The following EPHA8 variants were observed in gnomAD, a reference collection of about 807,000 sequenced individuals.
EPHA8 encodes EPH receptor A8.
EPHA8 carries 58 observed loss-of-function variants against 103.6 expected under a neutral mutation model. The ratio of observed to expected loss-of-function variants is 0.56; its 90% CI spans 0.45 to 0.70. The LOEUF is 0.70. Ranked by LOEUF, EPHA8 falls within the 30% of genes least tolerant of loss-of-function variation. The pLI, the probability that EPHA8 is intolerant of heterozygous loss-of-function variation, is 0.00. For synonymous variants in EPHA8, 559 were observed against 572.5 expected, an observed-to-expected ratio of 0.98 and a Z score of 0.34; for missense variants, 1,304 against 1,395.2, an observed-to-expected ratio of 0.93 and a Z score of 1.04.
intron 5 of EPHA8, among the ~76,000 whole-genome samples, chr1:22,592,333 C>G (rs953827060): frequency 6.6e-6 from 1 of 152,316 alleles, no homozygotes; most frequent in East Asian, 1.9e-4. Context: ...TCCCCTCCCC[C>G]TGGCAAGTGG....
chr1:22,565,071 CA>C (rs1396851265), intron 1 of EPHA8, among the ~76,000 whole-genome samples: 3 of 151,738 alleles, frequency 2.0e-5, no homozygotes, highest in Non-Finnish European at 2.9e-5. Flanking sequence ...CAGCCACACA[CA>C]CAGAAATGAA....
chr1:22,595,157 G>A (rs1641481085), intron 7 of EPHA8, 73 bp from the exon 8 acceptor site: 2 of 1,285,432 alleles, frequency 1.6e-6, no homozygotes, highest in Non-Finnish European at 2.2e-6. Context: ...GGCAGGCTCA[G>A]AGGTCTGCCA....
intron 13 of EPHA8, among the ~76,000 whole-genome samples, chr1:22,600,003 CGGAGGGAAGGAA>C (rs1291513720): frequency 7.0e-5 from 3 of 42,740 alleles, no homozygotes; most frequent in African/African-American, 2.2e-4. Flanking sequence ...AAAGGAGGGA[CGGAGGGAAGGAA>C]GGAGGGAAGG....
intron 1 of EPHA8, among the ~76,000 whole-genome samples, chr1:22,564,486 G>A (rs1183569243): frequency 6.6e-6 from 1 of 152,028 alleles, no homozygotes; most frequent in East Asian, 1.9e-4. Context: ...GCCCCGGAGA[G>A]CAAAGTCTTG....
chr1:22,599,680 A>AC, intron 13 of EPHA8, among the ~76,000 whole-genome samples: 1 of 39,854 alleles, frequency 2.5e-5, no homozygotes. Context: ...GGAAGGAGGG[A>AC]AGGAAGGAAA....
chr1:22,586,780 T>TTGG (rs568070513), intron 4 of EPHA8, 145 bp downstream of exon 4: 4 of 924,342 alleles, frequency 4.3e-6, no homozygotes, highest in African/African-American at 3.6e-5. Flanking sequence ...CAGTCTGAGG[T>TTGG]GGGGGGGGTG....
chr1:22,601,180 G>C, intron 15 of EPHA8, 92 bp downstream of exon 15: 1 of 1,531,126 alleles, frequency 6.5e-7, no homozygotes, highest in Non-Finnish European at 8.8e-7. Flanking sequence ...CTGACACTAG[G>C]ACCAGGCCCA....
At chr1:22,586,389 C>T in intron 3 of EPHA8, 91 bp from the exon 4 acceptor site, 14 of 1,490,436 alleles carry the variant, frequency 9.4e-6, no homozygotes, top group Non-Finnish European at 1.2e-5. Context: ...TGGGGCACCC[C>T]CCAGGAAGCT....
chr1:22,576,313 A>G lies in EPHA8; in HGVS notation c.256A>G (p.Thr86Ala). 6.2e-7 allele frequency: 1 copy of G among 1,613,836 alleles called. No homozygotes were observed. Among genetic ancestry groups the G allele is most frequent in the East Asian group, 2.2e-5 (1 of 44,868 alleles). ...MSPNQNNWLRTSWVPRDGARR... is the reference protein window; with the variant it reads ...MSPNQNNWLRASWVPRDGARR... ...CCCCAACCAGAACAACTGGCTGCGCACGAGCTGGGTCCCCCGAGACGGCGC... is the reference window on the plus strand; with the variant it reads ...CCCCAACCAGAACAACTGGCTGCGCGCGAGCTGGGTCCCCCGAGACGGCGC... Residue 86 changes from threonine to alanine, a missense_variant, in exon 3 of 17, where the codon ACG becomes GCG. By Grantham distance (58) the Thr-to-Ala change is moderately conservative (BLOSUM62 0). Coordinates refer to ENST00000166244, the MANE Select transcript of EPHA8 (RefSeq NM_020526.5). This position sits in a 1 kb window ranked among gnomAD's most constrained non-coding sequence, Gnocchi z 4.8.
At chr1:22,581,043 G>A (rs1481346344) in intron 3 of EPHA8, among the ~76,000 whole-genome samples, 1 of 152,218 alleles carries the variant, frequency 6.6e-6, no homozygotes, top group Non-Finnish European at 1.5e-5. Flanking sequence ...TACAGGTACA[G>A]GGAGTCCCTG....
Position 22,576,609 on chromosome 1 carries a change from C to T in EPHA8, c.552C>T (p.Ala184=), listed in dbSNP as rs55844027. The change falls in exon 3 of 17, where the codon GCC becomes GCT. Residue 184 remains alanine (A), a synonymous_variant. Transcript: ENST00000166244. The surrounding 1 kb of genome is among the most constrained non-coding windows in gnomAD (Gnocchi z 4.8). ...GPLSKRGFYL[A]FQDIGACLAI... is the part of the protein sequence containing the mutation. ...TCAGCAAGCGCGGCTTCTACCTGGC[C>T]TTCCAGGACATAGGTGCCTGCCTGG... 68,201 of 1,614,032 alleles carry T rather than the reference C, an allele frequency of 0.042. 1,726 individuals carry two copies. Among genetic ancestry groups the T allele is most frequent in the East Asian group, 0.11 (4,793 of 44,876 alleles).
intron 4 of EPHA8, 111 bp downstream of exon 4, chr1:22,586,746 G>C (rs550629807): frequency 2.1e-6 from 3 of 1,418,228 alleles, no homozygotes; most frequent in African/African-American, 2.9e-5. Flanking sequence ...GGGCAGGGGC[G>C]GGTGGCTCTC....
intron 15 of EPHA8, 44 bp from the exon 16 acceptor site, chr1:22,601,256 C>T: frequency 6.4e-7 from 1 of 1,565,790 alleles, no homozygotes. Context: ...GGGGTCCAGC[C>T]TCCCGAACCC....
rs1640681851 is a variant in EPHA8, at chr1:22,576,097, A to G, written c.160-120A>G. 1 of 1,190,132 alleles carries G rather than the reference A, an allele frequency of 8.4e-7. No individual in the cohort carries two copies. The highest frequency in any genetic ancestry group is 2.3e-5 in the Admixed American group (1 of 43,010). 73.7% of individuals were successfully genotyped at this position (1,190,132 alleles called of 1,614,324 possible). ...GGGGGCCTGGCATCTAGTAGCCACC[A>G]GGAGGCCAGCTCCTTTGTCTTTTTT... On this transcript the variant is annotated intron_variant, in intron 2 of 16. Transcript: ENST00000166244. This position sits in a 1 kb window ranked among gnomAD's most constrained non-coding sequence, Gnocchi z 4.8.
chr1:22,578,215 TGTGA>T (rs763119899), intron 3 of EPHA8, among the ~76,000 whole-genome samples: 8 of 122,240 alleles, frequency 6.5e-5, no homozygotes, highest in South Asian at 2.6e-4. Context: ...AGTGTGTGCG[TGTGA>T]GTGTGCATGT....
chr1:22,578,233 TATGTGTGC>T (rs1169739939), intron 3 of EPHA8, among the ~76,000 whole-genome samples: 5 of 143,294 alleles, frequency 3.5e-5, no homozygotes, highest in African/African-American at 1.4e-4. Flanking sequence ...TGCATGTGTG[TATGTGTGC>T]ATGTGTGTGT....
At position 22,600,731 on chromosome 1, in the gene EPHA8, A is replaced by T. The variant is rs758930799; in HGVS notation, c.2459A>T (p.Asp820Val). The T allele has an allele frequency of 4.3e-6, 7 of 1,613,412 alleles. No homozygotes were observed. The African/African-American group carries it at 8.0e-5, about 18-fold the overall frequency. ...TTCCGCACCTTCTCCTCGGCCAGCG[A>T]CGTGTGGAGCTTCGGCGTGGTCATG... ...IAFRTFSSAS[D>V]VWSFGVVMWE... is the part of the protein sequence containing the mutation. Residue 820 changes from aspartate to valine, a missense_variant, in exon 14 of 17, where the codon GAC (aspartate) becomes GTC (valine). By Grantham distance (152) the Asp-to-Val change is radical. Transcript: ENST00000166244.
At chr1:22,583,029 A>T (rs1641088727) in intron 3 of EPHA8, among the ~76,000 whole-genome samples, 1 of 152,208 alleles carries the variant, frequency 6.6e-6, no homozygotes, top group South Asian at 2.1e-4. Context: ...TTATTTGTCA[A>T]ATCTCCGGCT....
chr1:22,600,879 C>A lies in EPHA8; in HGVS notation c.2539-19C>A. ...GGGTGCAGGGAGGGACGGCTGAGCC[C>A]AGCGCTGATCCCCTGCAGGTCATCA... On this transcript the variant is annotated intron_variant, in intron 14 of 16. Coordinates refer to ENST00000166244, the MANE Select transcript of EPHA8 (RefSeq NM_020526.5). The A allele has an allele frequency of 6.3e-7, 1 of 1,594,764 alleles. No homozygotes were observed. Among genetic ancestry groups the A allele is most frequent in the Non-Finnish European group, 8.6e-7 (1 of 1,169,412 alleles).
Sources: allele counts gnomAD v4.1 joint callset (sites outside exome capture counted in the v4.1 genomes callset), GRCh38; gene constraint gnomAD v4.1.1; non-coding constraint Gnocchi (gnomAD v3.1); transcripts MANE v1.5; gene names NCBI Gene and HGNC (gene_info 2026-07-23, HGNC 2026-07-21).